The following SLCO1C1 variants were observed in gnomAD, a reference collection of about 807,000 sequenced individuals.
The protein encoded by SLCO1C1 is solute carrier organic anion transporter family member 1C1, also known as OAT-RP-5.
SLCO1C1 carries 70 observed loss-of-function variants against 76.4 expected under a neutral mutation model. The ratio of observed to expected loss-of-function variants is 0.92; its 90% confidence interval spans 0.76 to 1.12. The LOEUF is 1.12. SLCO1C1 is among the 50% of genes most tolerant of loss of function. SLCO1C1 has a pLI of 0.00. For synonymous variants in SLCO1C1, 306 were observed against 286.1 expected (o/e 1.07, Z -0.70); for missense variants, 912 against 823.8 (o/e 1.11, Z -1.31).
At position 20,737,238 on chromosome 12, in the gene SLCO1C1, G is replaced by T. The variant is rs771681306; in HGVS notation, c.1514G>T (p.Gly505Val). The change falls in exon 11 of 15, where the codon GGT (glycine) becomes GTT (valine). Residue 505 changes from glycine (G) to valine (V), a missense_variant. By Grantham distance (109) the Gly-to-Val change is moderately radical. Coordinates refer to ENST00000266509, the MANE Select transcript of SLCO1C1 (RefSeq NM_017435.5). ...ACATATGTATCAGCTTGTCTTGCTGGTTGTCAAACCTCCAACAGGAGTGGA... is the reference window on the plus strand; with the variant it reads ...ACATATGTATCAGCTTGTCTTGCTGTTTGTCAAACCTCCAACAGGAGTGGA... ...GITYVSACLA[G>V]CQTSNRSGKN... The T allele has an allele frequency of 1.3e-6, 2 of 1,566,676 alleles. No homozygotes were observed. Among genetic ancestry groups the T allele is most frequent in the Non-Finnish European group, 1.7e-6 (2 of 1,163,586 alleles).
chr12:20,715,380 T>C (rs1947316215), intron 6 of SLCO1C1, 95 bp downstream of exon 6: 1 of 1,372,332 alleles, frequency 7.3e-7, no homozygotes, highest in Non-Finnish European at 1.0e-6. Context: ...GGGAAGCTTT[T>C]TATACTTCAT....
At chr12:20,708,713 G>T (rs887302846) in intron 4 of SLCO1C1, among the ~76,000 whole-genome samples, 2 of 152,202 alleles carry the variant, frequency 1.3e-5, no homozygotes, top group African/African-American at 4.8e-5. Flanking sequence ...TGGCTAAAAT[G>T]CAATGACCAC....
chr12:20,710,308 C>T (rs1015683916), intron 4 of SLCO1C1, among the ~76,000 whole-genome samples: 2 of 149,674 alleles, frequency 1.3e-5, no homozygotes, highest in African/African-American at 2.5e-5. Flanking sequence ...CCCGGGTTCA[C>T]GCCATTCTCC....
chr12:20,716,151 T>A (rs1947351324), intron 6 of SLCO1C1, among the ~76,000 whole-genome samples: 1 of 152,212 alleles, frequency 6.6e-6, no homozygotes, highest in Non-Finnish European at 1.5e-5. Flanking sequence ...TTGGCTATGC[T>A]CTGCAGGACT....
At chr12:20,717,608 G>C (rs1947427670) in intron 7 of SLCO1C1, among the ~76,000 whole-genome samples, 1 of 120,522 alleles carries the variant, frequency 8.3e-6, no homozygotes, top group African/African-American at 3.0e-5. Flanking sequence ...TTGACAGAAA[G>C]ACCAAGGATT....
chr12:20,733,133 A>T, intron 10 of SLCO1C1, 29 bp downstream of exon 10: 4 of 1,500,942 alleles, frequency 2.7e-6, no homozygotes, highest in Non-Finnish European at 3.5e-6. Context: ...TAGTTTGAGG[A>T]TATTGGTTTG....
chr12:20,701,728 G>A (rs1482786170), intron 3 of SLCO1C1, among the ~76,000 whole-genome samples: 1 of 151,824 alleles, frequency 6.6e-6, no homozygotes, highest in East Asian at 1.9e-4. Context: ...GACTTTCTTG[G>A]AGGAAAGGGT....
chr12:20,704,268 G>T (rs558029134), intron 3 of SLCO1C1, among the ~76,000 whole-genome samples: 5 of 151,280 alleles, frequency 3.3e-5, no homozygotes, highest in African/African-American at 1.2e-4. Context: ...TGTATTACAG[G>T]TACTGAACTC....
rs376719278 is a variant in SLCO1C1, at chr12:20,725,921, A to G, written c.1186+2667A>G. The stretch of plus-strand genomic sequence containing the variant: ...TATTCTTCAAAGTTTCTGACATGTC[A>G]TATCTACAGATAATTCAAATACTTT... On this transcript the variant is annotated intron_variant, in intron 9 of 14. Coordinates refer to ENST00000266509, the MANE Select transcript of SLCO1C1 (RefSeq NM_017435.5). 5.9e-5 allele frequency among the ~76,000 whole-genome samples: 9 copies of G among 152,172 alleles called. No individual in the cohort carries two copies. In the East Asian group the frequency reaches 1.7e-3, roughly 29 times the overall value.
chr12:20,717,896 A>G (rs1225210760), intron 7 of SLCO1C1, among the ~76,000 whole-genome samples: 1 of 151,794 alleles, frequency 6.6e-6, no homozygotes, highest in Admixed American at 6.6e-5. Context: ...AAGAATTCCA[A>G]GAGATCCGTT....
At chr12:20,740,787 T>TTTTATATATATATATATATATATATA (rs1217819863) in intron 12 of SLCO1C1, among the ~76,000 whole-genome samples, 2 of 75,058 alleles carry the variant, frequency 2.7e-5, no homozygotes, top group African/African-American at 1.1e-4. Flanking sequence ...TTTATTTTAT[T>TTTTATATATATATATATATATATATA]TATATATATA....
chr12:20,699,827 C>T, intron 2 of SLCO1C1, 122 bp downstream of exon 2: 1 of 1,173,540 alleles, frequency 8.5e-7, no homozygotes, highest in Non-Finnish European at 1.1e-6. Flanking sequence ...ATCTTAGATG[C>T]AATTTACTAA....
At chr12:20,742,782 G>A (rs985747892) in intron 12 of SLCO1C1, among the ~76,000 whole-genome samples, 1 of 150,748 alleles carries the variant, frequency 6.6e-6, no homozygotes, top group Non-Finnish European at 1.5e-5. Context: ...CCTCGTGATC[G>A]CCTCGGCCTC....
rs1565515112 is a variant in SLCO1C1, at chr12:20,717,644, C to CCTT, written c.775+418_775+420dup. 3.7e-3 allele frequency among the ~76,000 whole-genome samples: 391 copies of CCTT among 106,376 alleles called. 23 individuals carry two copies. The highest frequency in any genetic ancestry group is 0.015 in the African/African-American group (381 of 25,858). 69.8% of individuals were successfully genotyped at this position (106,376 alleles called of 152,430 possible). On this transcript the variant is annotated intron_variant, in intron 7 of 14. Transcript: ENST00000266509. The stretch of plus-strand genomic sequence containing the variant: ...TAAAGTCTACTGGCAACCAAACAGC[C>CCTT]CTTCTTTTTTTTTTTTTTTTTTTTT...
chr12:20,697,392 T>C (rs1210586265), intron 1 of SLCO1C1: 1 of 152,102 alleles, frequency 6.6e-6, no homozygotes, highest in African/African-American at 2.4e-5. Flanking sequence ...TATCTCTTGC[T>C]TGGCAATATT....
At chr12:20,729,852 G>A (rs1248324325) in intron 9 of SLCO1C1, among the ~76,000 whole-genome samples, 1 of 152,112 alleles carries the variant, frequency 6.6e-6, no homozygotes. Context: ...CTGGAGTCAA[G>A]ATAATACATG....
In SLCO1C1 at chr12:20,745,148, G is replaced by A. The variant is rs565866059; in HGVS notation, c.1798+1779G>A. On this transcript the variant is annotated intron_variant, in intron 13 of 14. Transcript: ENST00000266509. Reference sequence around the variant, plus strand: ...AACTAATTTTAAAAAATGGTTACCTGTAGAAGAAAGGGAAGAGGGATAAAT... The same window carrying A: ...AACTAATTTTAAAAAATGGTTACCTATAGAAGAAAGGGAAGAGGGATAAAT... 7.0e-4 allele frequency among the ~76,000 whole-genome samples: 107 copies of A among 152,234 alleles called. 1 individual carries two copies. Among genetic ancestry groups the A allele is most frequent in the African/African-American group, 2.4e-3 (98 of 41,550 alleles).
chr12:20,712,181 T>C (rs1189130009), intron 5 of SLCO1C1, among the ~76,000 whole-genome samples: 1 of 152,218 alleles, frequency 6.6e-6, no homozygotes, highest in Non-Finnish European at 1.5e-5. Flanking sequence ...GAAATAACTC[T>C]ATTTTTCACC....
intron 10 of SLCO1C1, among the ~76,000 whole-genome samples, chr12:20,735,533 G>T (rs763439362): frequency 1.3e-5 from 2 of 152,216 alleles, no homozygotes; most frequent in South Asian, 2.1e-4. Flanking sequence ...TATACTTTCA[G>T]ATAATACAAA....
Sources: allele counts gnomAD v4.1 joint callset (sites outside exome capture counted in the v4.1 genomes callset), GRCh38; gene constraint gnomAD v4.1.1; transcripts MANE v1.5; gene names NCBI Gene and HGNC (gene_info 2026-07-23, HGNC 2026-07-21).